The following GALNT13 variants were observed in gnomAD, a reference collection of about 807,000 sequenced individuals.
GALNT13 encodes polypeptide N-acetylgalactosaminyltransferase 13, also known as UDP-GalNAc:polypeptide N-acetylgalactosaminyltransferase 13.
In GALNT13, 28 loss-of-function variants were observed where a neutral mutation model predicts 64.2. That is an observed-to-expected ratio of 0.44 (90% CI 0.32 to 0.60). The LOEUF is 0.60. GALNT13 is among the 20% of genes least tolerant of loss of function. The pLI, the probability that GALNT13 is intolerant of heterozygous loss-of-function variation, is 0.05. For synonymous variants in GALNT13, 214 were observed against 224.6 expected (o/e 0.95, Z 0.42); for missense variants, 577 against 669.8 (o/e 0.86, Z 1.53).
intron 9 of GALNT13, among the ~76,000 whole-genome samples, chr2:154,353,947 A>G (rs1354170252): frequency 6.6e-6 from 1 of 152,222 alleles, no homozygotes; most frequent in Non-Finnish European, 1.5e-5. Context: ...TTGCTGGGTC[A>G]TATGGTAATC....
At chr2:154,402,097 G>A (rs111637526) in intron 10 of GALNT13, among the ~76,000 whole-genome samples, 1 of 152,134 alleles carries the variant, frequency 6.6e-6, no homozygotes, top group African/African-American at 2.4e-5. Context: ...GTTGACATTT[G>A]TAAAATAATG....
chr2:153,803,446 A>T, the GALNT13 span, among the ~76,000 whole-genome samples: 3 of 152,224 alleles, frequency 2.0e-5, no homozygotes, highest in East Asian at 5.8e-4. Context: ...TAATCCCAGC[A>T]CTTTGGGAGG....
chr2:154,399,638 C>T (rs1262003617), intron 10 of GALNT13, among the ~76,000 whole-genome samples: 4 of 152,086 alleles, frequency 2.6e-5, no homozygotes. Flanking sequence ...ATCTCTTGGG[C>T]CACTGGTCCT....
the GALNT13 span, among the ~76,000 whole-genome samples, chr2:153,484,030 T>C: frequency 6.6e-6 from 1 of 152,200 alleles, no homozygotes; most frequent in Admixed American, 6.5e-5. Flanking sequence ...AATAGTTTTA[T>C]GTTTTATGTA....
chr2:153,162,465 C>T, the GALNT13 span, among the ~76,000 whole-genome samples: 1 of 152,024 alleles, frequency 6.6e-6, no homozygotes, highest in South Asian at 2.1e-4. Context: ...TTCTCCTCCC[C>T]GAAACTCTGT....
intron 3 of GALNT13, among the ~76,000 whole-genome samples, chr2:153,962,702 T>C (rs943910893): frequency 2.0e-5 from 3 of 152,168 alleles, no homozygotes; most frequent in African/African-American, 7.2e-5. Context: ...TCCATTTTAA[T>C]TTTACAGTTT....
At chr2:153,105,239 A>G in the GALNT13 span, among the ~76,000 whole-genome samples, 1 of 151,950 alleles carries the variant, frequency 6.6e-6, no homozygotes, top group African/African-American at 2.4e-5. Flanking sequence ...AATAAATGTA[A>G]TCCAGCATAT....
the GALNT13 span, among the ~76,000 whole-genome samples, chr2:153,663,899 G>T: frequency 4.6e-5 from 7 of 152,194 alleles, no homozygotes; most frequent in Admixed American, 4.6e-4. Context: ...CCTCCTTAAA[G>T]CTCAACTAAA....
At chr2:154,172,827 A>G (rs948020232) in intron 4 of GALNT13, among the ~76,000 whole-genome samples, 4 of 152,038 alleles carry the variant, frequency 2.6e-5, no homozygotes, top group African/African-American at 9.7e-5. Context: ...ATTGAAGAGT[A>G]CAAAAAAATT....
chr2:153,301,714 C>A, the GALNT13 span, among the ~76,000 whole-genome samples: 1 of 152,144 alleles, frequency 6.6e-6, no homozygotes, highest in Non-Finnish European at 1.5e-5. Context: ...CACCCCAGTT[C>A]TCTGCTTCCA....
chr2:153,395,940 G>T, the GALNT13 span, among the ~76,000 whole-genome samples: 1 of 152,008 alleles, frequency 6.6e-6, no homozygotes, highest in African/African-American at 2.4e-5. Flanking sequence ...AAGAATAGAT[G>T]GTAAATATTT....
intron 3 of GALNT13, among the ~76,000 whole-genome samples, chr2:153,952,690 A>G (rs2105406092): frequency 6.6e-6 from 1 of 152,238 alleles, no homozygotes; most frequent in Middle Eastern, 3.4e-3. Flanking sequence ...ATTAAGGAGT[A>G]TTGACTGACA....
the GALNT13 span, among the ~76,000 whole-genome samples, chr2:153,866,283 C>A: frequency 8.4e-6 from 1 of 118,404 alleles, no homozygotes; most frequent in African/African-American, 3.0e-5. Flanking sequence ...GCACAATGTG[C>A]ACATGCACCC....
chr2:153,260,198 T>C, the GALNT13 span, among the ~76,000 whole-genome samples: 1 of 152,208 alleles, frequency 6.6e-6, no homozygotes, highest in Non-Finnish European at 1.5e-5. Flanking sequence ...ATTTTAGATA[T>C]GTTCATATTT....
intron 4 of GALNT13, among the ~76,000 whole-genome samples, chr2:154,211,711 A>G (rs1296297687): frequency 2.0e-5 from 3 of 151,642 alleles, no homozygotes; most frequent in Non-Finnish European, 4.4e-5. Flanking sequence ...TTAAAATCAT[A>G]TGAGACCACT....
At chr2:153,247,806 A>G in the GALNT13 span, among the ~76,000 whole-genome samples, 1 of 152,324 alleles carries the variant, frequency 6.6e-6, no homozygotes, top group East Asian at 1.9e-4. Flanking sequence ...AACAAAATAC[A>G]TAGACCACTA....
chr2:153,597,978 T>A, the GALNT13 span, among the ~76,000 whole-genome samples: 2 of 152,080 alleles, frequency 1.3e-5, no homozygotes, highest in South Asian at 4.1e-4. Context: ...CATATACTAC[T>A]GGTATAAATG....
chr2:153,293,383 C>G, the GALNT13 span, among the ~76,000 whole-genome samples: 1 of 151,942 alleles, frequency 6.6e-6, no homozygotes, highest in Non-Finnish European at 1.5e-5. Context: ...ATATGAAGAT[C>G]GAAGCAGGGA....
upstream of GALNT13, among the ~76,000 whole-genome samples, chr2:153,871,689 C>G (rs949981317): frequency 2.6e-5 from 4 of 152,196 alleles, no homozygotes; most frequent in Admixed American, 6.5e-5. Flanking sequence ...TTGCGCACAT[C>G]GCAGAAGCGC....
Sources: gnomAD v4.1 joint callset for allele counts (sites outside exome capture counted in the v4.1 genomes callset) on GRCh38, gnomAD v4.1.1 for gene constraint, MANE v1.5 for transcripts, NCBI Gene and HGNC (gene_info 2026-07-23, HGNC 2026-07-21) for gene names.